Variants in GRID2 observed in about 807,000 individuals in gnomAD.
GRID2 encodes glutamate receptor ionotropic, delta-2.
In GRID2, 33 loss-of-function variants were observed where a neutral mutation model predicts 114.8. The ratio of observed to expected loss-of-function variants is 0.29; its 90% CI spans 0.22 to 0.38. GRID2 has a LOEUF of 0.38. Ranked by LOEUF, GRID2 falls within the 10% of genes least tolerant of loss-of-function variation. GRID2 has a pLI of 1.00. For missense variants in GRID2, 1,184 were observed against 1,257.7 expected (o/e 0.94, Z 0.89); for synonymous variants, 505 against 449.9 (o/e 1.12, Z -1.55).
At chr4:93,732,096 A>G (rs1222896440) in intron 14 of GRID2, among the ~76,000 whole-genome samples, 10 of 152,234 alleles carry the variant, frequency 6.6e-5, no homozygotes, top group Non-Finnish European at 1.5e-5. Flanking sequence ...AGAGGCAAAA[A>G]CATAAAACCC....
chr4:93,212,013 G>A (rs1743546696), intron 5 of GRID2, among the ~76,000 whole-genome samples: 1 of 151,252 alleles, frequency 6.6e-6, no homozygotes, highest in South Asian at 2.1e-4. Context: ...TTGTTTATGG[G>A]AATTTATAAT....
intron 2 of GRID2, among the ~76,000 whole-genome samples, chr4:93,020,378 G>A (rs1190992473): frequency 1.3e-5 from 2 of 151,884 alleles, no homozygotes; most frequent in Non-Finnish European, 2.9e-5. Flanking sequence ...ATGAAAAAAT[G>A]CAAAGAAATC....
intron 14 of GRID2, among the ~76,000 whole-genome samples, chr4:93,741,008 G>A (rs1006969529): frequency 6.6e-6 from 1 of 150,790 alleles, no homozygotes; most frequent in East Asian, 1.9e-4. Context: ...TTCATATCTG[G>A]TTGATAATAA....
intron 2 of GRID2, among the ~76,000 whole-genome samples, chr4:92,682,240 G>T (rs1280658147): frequency 6.6e-6 from 1 of 152,072 alleles, no homozygotes; most frequent in Non-Finnish European, 1.5e-5. Context: ...GTTTAGCCAG[G>T]TCTAAGACAC....
chr4:93,037,208 C>G (rs183185772), intron 2 of GRID2, among the ~76,000 whole-genome samples: 2 of 152,026 alleles, frequency 1.3e-5, no homozygotes, highest in African/African-American at 2.4e-5. Context: ...CTCTCAAGTC[C>G]CTATTACCTT....
chr4:93,020,067 A>G (rs1447335011), intron 2 of GRID2, among the ~76,000 whole-genome samples: 1 of 152,168 alleles, frequency 6.6e-6, no homozygotes, highest in Non-Finnish European at 1.5e-5. Context: ...AATTTATAAA[A>G]CGGGAATGAA....
chr4:92,984,855 AAATT>A (rs1294712529), intron 2 of GRID2, among the ~76,000 whole-genome samples: 3 of 151,980 alleles, frequency 2.0e-5, no homozygotes, highest in African/African-American at 4.8e-5. Flanking sequence ...ATTAGCTTTA[AAATT>A]AAATTTGGAT....
intron 1 of GRID2, among the ~76,000 whole-genome samples, chr4:92,459,362 C>T (rs879489876): frequency 2.6e-5 from 4 of 152,040 alleles, no homozygotes; most frequent in Admixed American, 6.6e-5. Context: ...TATATACTAG[C>T]GTAACATAAT....
At chr4:92,337,459 A>G (rs1579200768) in intron 1 of GRID2, among the ~76,000 whole-genome samples, 3 of 152,268 alleles carry the variant, frequency 2.0e-5, no homozygotes, top group East Asian at 3.9e-4. Flanking sequence ...GAACTGAGTG[A>G]GGAAAGCAGA....
At chr4:92,574,096 G>A (rs1396197275) in intron 1 of GRID2, among the ~76,000 whole-genome samples, 2 of 151,822 alleles carry the variant, frequency 1.3e-5, no homozygotes, top group East Asian at 1.9e-4. Flanking sequence ...TTGGTTTAAA[G>A]TCTGTTTTGT....
At chr4:92,989,665 C>T (rs1196365910) in intron 2 of GRID2, among the ~76,000 whole-genome samples, 1 of 152,084 alleles carries the variant, frequency 6.6e-6, no homozygotes, top group Non-Finnish European at 1.5e-5. Context: ...TAAAAGGTAA[C>T]ATTTTATGAC....
At chr4:92,564,745 C>A (rs1374648009) in intron 1 of GRID2, among the ~76,000 whole-genome samples, 1 of 151,954 alleles carries the variant, frequency 6.6e-6, no homozygotes, top group African/African-American at 2.4e-5. Context: ...ACTTAAAATG[C>A]AAACATTACT....
At chr4:93,059,988 A>AT (rs906082349) in intron 2 of GRID2, among the ~76,000 whole-genome samples, 3 of 151,736 alleles carry the variant, frequency 2.0e-5, no homozygotes, top group East Asian at 3.9e-4. Flanking sequence ...CCCACAGACT[A>AT]TTTTTTTTAA....
At chr4:92,862,152 A>G (rs1474029669) in intron 2 of GRID2, among the ~76,000 whole-genome samples, 3 of 152,020 alleles carry the variant, frequency 2.0e-5, no homozygotes, top group Admixed American at 2.0e-4. Flanking sequence ...ACCTCTCGAC[A>G]AGCATTTCAG....
intron 1 of GRID2, among the ~76,000 whole-genome samples, chr4:92,491,003 G>C (rs373999867): frequency 5.3e-5 from 8 of 152,004 alleles, no homozygotes; most frequent in Non-Finnish European, 7.4e-5. Context: ...TATTAAGCTA[G>C]TATTGCTCTT....
chr4:92,464,976 G>A (rs558133021), intron 1 of GRID2, among the ~76,000 whole-genome samples: 1 of 152,062 alleles, frequency 6.6e-6, no homozygotes, highest in Non-Finnish European at 1.5e-5. Context: ...AGTGTGTAGC[G>A]TTTCCCTCTT....
chr4:93,498,179 G>T (rs573910025), intron 12 of GRID2, among the ~76,000 whole-genome samples: 1 of 151,880 alleles, frequency 6.6e-6, no homozygotes, highest in East Asian at 1.9e-4. Context: ...CACAGTTCTG[G>T]ATGCTGGGAA....
At chr4:93,484,529 C>T (rs72886244) in intron 11 of GRID2, among the ~76,000 whole-genome samples, 2,973 of 151,854 alleles carry the variant, frequency 0.02, 95 homozygotes, top group African/African-American at 0.068. Flanking sequence ...AATTGAGGAG[C>T]CCCTCAAACC....
intron 12 of GRID2, among the ~76,000 whole-genome samples, chr4:93,505,832 T>C (rs1728574543): frequency 1.3e-5 from 2 of 152,098 alleles, no homozygotes; most frequent in African/African-American, 4.8e-5. Flanking sequence ...AAATACAGTG[T>C]CTGCCACATT....
Sources: gnomAD v4.1 joint callset for allele counts (sites outside exome capture counted in the v4.1 genomes callset) on GRCh38, gnomAD v4.1.1 for gene constraint, MANE v1.5 for transcripts, NCBI Gene and HGNC (gene_info 2026-07-23, HGNC 2026-07-21) for gene names.